The following SMARCAL1 variants were observed in gnomAD, a reference collection of about 807,000 sequenced individuals.
SMARCAL1 encodes ATP-driven annealing helicase.
Under a neutral mutation model 94.5 loss-of-function variants are expected in SMARCAL1, and 58 were observed. That is an observed-to-expected ratio of 0.61 (90% confidence interval 0.50 to 0.76). The LOEUF (loss-of-function observed/expected upper bound fraction) is 0.76, where lower values mean the gene tolerates loss of function less well. Ranked by LOEUF, SMARCAL1 falls within the 30% of genes least tolerant of loss-of-function variation. SMARCAL1 has a pLI of 0.00. For synonymous variants in SMARCAL1, 422 were observed against 455.1 expected (o/e 0.93, Z 0.93); for missense variants, 1,051 against 1,177.9 (o/e 0.89, Z 1.58).
chr2:216,436,955 A>G (rs775855648), intron 9 of SMARCAL1, among the ~76,000 whole-genome samples: 5 of 152,180 alleles, frequency 3.3e-5, no homozygotes, highest in Non-Finnish European at 5.9e-5. Context: ...TTCAGAATTC[A>G]TGTTCTTCTC....
intron 12 of SMARCAL1, among the ~76,000 whole-genome samples, chr2:216,462,584 G>A (rs534966542): frequency 8.7e-4 from 132 of 152,312 alleles, no homozygotes; most frequent in Middle Eastern, 3.4e-3. Context: ...CAAGACACAT[G>A]TAGGATATGA....
At chr2:216,456,077 A>C (rs537423497) in intron 12 of SMARCAL1, among the ~76,000 whole-genome samples, 1 of 152,390 alleles carries the variant, frequency 6.6e-6, no homozygotes, top group South Asian at 2.1e-4. Context: ...AGCCGATTTG[A>C]TCAACTGGAA....
intron 17 of SMARCAL1, among the ~76,000 whole-genome samples, chr2:216,479,528 T>C (rs1225262526): frequency 6.6e-6 from 1 of 151,920 alleles, no homozygotes; most frequent in Non-Finnish European, 1.5e-5. Context: ...GTGGATCTGC[T>C]CATTCACTTA....
At chr2:216,464,771 A>G (rs1694795808) in intron 13 of SMARCAL1, 104 bp downstream of exon 13, 3 of 831,042 alleles carry the variant, frequency 3.6e-6, no homozygotes, top group South Asian at 1.4e-5. Context: ...CGTCTAAGAA[A>G]TGACCAGAGA....
chr2:216,464,798 T>C (rs1453487710), intron 13 of SMARCAL1, 131 bp downstream of exon 13: 5 of 747,540 alleles, frequency 6.7e-6, no homozygotes, highest in Non-Finnish European at 1.2e-5. Context: ...AATGTGCCTT[T>C]TGTTGAGGAA....
rs946878165 is a variant in SMARCAL1, at chr2:216,428,801, T to A, written c.1334+19T>A. The A allele has an allele frequency of 1.2e-6, 2 of 1,604,670 alleles. No homozygotes were observed. Among genetic ancestry groups the A allele is most frequent in the Non-Finnish European group, 1.7e-6 (2 of 1,171,638 alleles). On this transcript the variant is annotated intron_variant, in intron 7 of 17. Transcript: ENST00000357276. ...GAGTCAAGTAGGTTCTTGATCTTCC[T>A]CTCTCTTCCTCTGTTGCTCAAATTT...
At chr2:216,473,039 G>C (rs954132368) in intron 14 of SMARCAL1, among the ~76,000 whole-genome samples, 2 of 152,106 alleles carry the variant, frequency 1.3e-5, no homozygotes, top group African/African-American at 4.8e-5. Context: ...AGGTATAATT[G>C]ACATGCAGTA....
rs1373423436 is a variant in SMARCAL1, at chr2:216,477,320, G to A, written c.2528+111G>A. 1.2e-5 allele frequency: 10 copies of A among 833,364 alleles called. No homozygotes were observed. In the East Asian group the frequency reaches 2.7e-4, roughly 22 times the overall value. The allele number at this position is 833,364 out of a possible 1,614,324, so 51.6% of individuals were successfully genotyped here. ...TGCTTTTGCTAAGTAAGGTCTTTAA[G>A]GATCTATAGAAAATTGACTAGTGAT... On this transcript the variant is annotated intron_variant, in intron 16 of 17. Coordinates refer to ENST00000357276, the MANE Select transcript of SMARCAL1 (RefSeq NM_014140.4).
chr2:216,438,895 CT>C (rs1255731913), intron 10 of SMARCAL1, among the ~76,000 whole-genome samples: 1 of 152,152 alleles, frequency 6.6e-6, no homozygotes, highest in Non-Finnish European at 1.5e-5. Context: ...TGCCTAGATG[CT>C]GGAAATCAGG....
intron 14 of SMARCAL1, among the ~76,000 whole-genome samples, chr2:216,472,362 GATAAATAAAATAAA>G (rs1694987326): frequency 6.6e-6 from 1 of 151,734 alleles, no homozygotes; most frequent in Non-Finnish European, 1.5e-5. Flanking sequence ...TCAAAAATAA[GATAAATAAAATAAA>G]ATAAATAAAA....
At chr2:216,480,063 AAAAG>A (rs1574487001) in intron 17 of SMARCAL1, among the ~76,000 whole-genome samples, 2 of 152,188 alleles carry the variant, frequency 1.3e-5, no homozygotes, top group Non-Finnish European at 2.9e-5. Context: ...AAAAAGAAAA[AAAAG>A]AAAGCCTATT....
chr2:216,461,644 A>G (rs1234526077), intron 12 of SMARCAL1, among the ~76,000 whole-genome samples: 4 of 152,298 alleles, frequency 2.6e-5, no homozygotes, highest in African/African-American at 4.8e-5. Context: ...CCTGGACAAC[A>G]TGGCAAAACC....
chr2:216,445,952 C>G (rs1438166302), intron 10 of SMARCAL1, among the ~76,000 whole-genome samples: 1 of 152,156 alleles, frequency 6.6e-6, no homozygotes, highest in African/African-American at 2.4e-5. Flanking sequence ...TGATTTATTA[C>G]ATGCAATTGC....
At position 216,447,139 on chromosome 2, in the gene SMARCAL1, G is replaced by A. The variant is rs753996369; in HGVS notation, c.1832G>A (p.Arg611His). ...FFPQFHAFGL[R>H]YCDAKRMPWG... ...CCCCAGTTTCATGCCTTTGGACTTC[G>A]CTACTGTGATGCCAAACGGGTATGT... The change falls in exon 11 of 18, where the codon CGC becomes CAC. Residue 611 changes from arginine to histidine, a missense_variant. Coordinates refer to ENST00000357276, the MANE Select transcript of SMARCAL1 (RefSeq NM_014140.4). 1.9e-6 allele frequency: 3 copies of A among 1,613,918 alleles called. No individual in the cohort carries two copies. Among genetic ancestry groups the A allele is most frequent in the African/African-American group, 1.3e-5 (1 of 74,956 alleles).
chr2:216,451,048 C>T lies in SMARCAL1; in HGVS notation c.2054C>T (p.Thr685Ile), dbSNP rs1474650067. ...AALDAAAKEM[T>I]TKDKTKQQQK... ...CTGGATGCTGCAGCCAAGGAAATGA[C>T]CACCAAGGACAAAACTGTGAGTCCA... Residue 685 changes from threonine to isoleucine, a missense_variant, in exon 12 of 18, where the codon ACC becomes ATC. By Grantham distance (89) the Thr-to-Ile change is moderately conservative. Around this residue, in one of 3 missense-constraint regions of SMARCAL1, gnomAD observed 642 missense variants for 754.7 expected, o/e 0.85. Transcript: ENST00000357276. 6.2e-7 allele frequency: 1 copy of T among 1,613,778 alleles called. No individual in the cohort carries two copies. The highest frequency in any genetic ancestry group is 1.3e-5 in the African/African-American group (1 of 74,908).
chr2:216,446,885 T>A, intron 10 of SMARCAL1, 133 bp from the exon 11 acceptor site: 2 of 956,452 alleles, frequency 2.1e-6, no homozygotes, highest in Non-Finnish European at 3.3e-6. Flanking sequence ...GCATTGGCAA[T>A]GCCATTAGGT....
At chr2:216,435,843 G>A (rs1019067247) in intron 9 of SMARCAL1, among the ~76,000 whole-genome samples, 12 of 152,274 alleles carry the variant, frequency 7.9e-5, no homozygotes, top group South Asian at 4.1e-4. Flanking sequence ...CAACCTGGAC[G>A]GCAAGGGGGT....
chr2:216,460,279 G>A (rs538403574), intron 12 of SMARCAL1, among the ~76,000 whole-genome samples: 6 of 152,162 alleles, frequency 3.9e-5, no homozygotes, highest in South Asian at 2.1e-4. Flanking sequence ...TCAGTGTGGC[G>A]ATTCCTCAGG....
chr2:216,440,434 C>T (rs1694171724), intron 10 of SMARCAL1, among the ~76,000 whole-genome samples: 1 of 152,246 alleles, frequency 6.6e-6, no homozygotes, highest in Middle Eastern at 3.4e-3. Flanking sequence ...GCAGCATATA[C>T]CTCTTTAATA....
Sources: allele counts gnomAD v4.1 joint callset (sites outside exome capture counted in the v4.1 genomes callset), GRCh38; gene constraint gnomAD v4.1.1; regional missense constraint gnomAD v4.1.1; transcripts MANE v1.5; gene names NCBI Gene and HGNC (gene_info 2026-07-23, HGNC 2026-07-21).